Variants in TTC28 observed in about 807,000 individuals in gnomAD.
TTC28 encodes the protein tetratricopeptide repeat protein 28.
Under a neutral mutation model 198.0 loss-of-function variants are expected in TTC28, and 61 were observed. The observed-to-expected ratio is 0.31, with a 90% CI of 0.25 to 0.38. The LOEUF is 0.38. TTC28 is among the 10% of genes least tolerant of loss of function. The probability of loss-of-function intolerance (pLI) is 1.00; values close to 1 mark genes in which losing one functional copy is unlikely to be tolerated. For synonymous variants in TTC28, 1,171 were observed against 1,297.8 expected (o/e 0.90, Z 2.10); for missense variants, 2,678 against 3,164.0 (o/e 0.85, Z 3.69).
chr22:28,598,861 G>T (rs1755537984), intron 2 of TTC28, among the ~76,000 whole-genome samples: 1 of 152,154 alleles, frequency 6.6e-6, no homozygotes. Flanking sequence ...TCGCATTAAG[G>T]ATTCAAGACT....
chr22:28,560,574 ACTGT>A (rs1318828482), intron 2 of TTC28, among the ~76,000 whole-genome samples: 1 of 151,980 alleles, frequency 6.6e-6, no homozygotes, highest in Non-Finnish European at 1.5e-5. Flanking sequence ...CACCCAAGGA[ACTGT>A]CTGTTTTCTC....
At chr22:28,379,445 A>G (rs1025065015) in intron 2 of TTC28, among the ~76,000 whole-genome samples, 1 of 152,240 alleles carries the variant, frequency 6.6e-6, no homozygotes, top group Non-Finnish European at 1.5e-5. Context: ...TTCAGTTTTC[A>G]AAAGAAAGGA....
intron 2 of TTC28, among the ~76,000 whole-genome samples, chr22:28,442,574 C>T (rs2047642057): frequency 6.6e-6 from 1 of 152,264 alleles, no homozygotes; most frequent in Admixed American, 6.5e-5. Flanking sequence ...CCTAGTAGGT[C>T]TTGGCTGGCT....
chr22:28,055,166 C>T (rs1407770186), intron 12 of TTC28, among the ~76,000 whole-genome samples: 2 of 152,182 alleles, frequency 1.3e-5, no homozygotes, highest in African/African-American at 4.8e-5. Flanking sequence ...CTTTCATTCA[C>T]TCATCAAATA....
At chr22:28,017,343 C>T (rs1472338128) in intron 13 of TTC28, among the ~76,000 whole-genome samples, 1 of 152,250 alleles carries the variant, frequency 6.6e-6, no homozygotes, top group East Asian at 1.9e-4. Flanking sequence ...GTGCCAGGCA[C>T]CATGGGTGCC....
rs766690227 is a variant in TTC28 at position 28,406,323 on chromosome 22, C to T, written c.382-99680G>A. 9.2e-5 allele frequency among the ~76,000 whole-genome samples: 14 copies of T among 152,312 alleles called. No individual in the cohort carries two copies. In the South Asian group the frequency reaches 1.9e-3, roughly 20 times the overall value. ...CTAGAACACACACTTATCTTATTAA[C>T]GAGACTAGAATTATTTTAATTAGGT... On this transcript the variant is annotated intron_variant, in intron 2 of 22. Transcript: ENST00000397906.
At chr22:27,985,015 C>T (rs1937162462) in intron 22 of TTC28, among the ~76,000 whole-genome samples, 1 of 152,234 alleles carries the variant, frequency 6.6e-6, no homozygotes, top group Admixed American at 6.5e-5. Flanking sequence ...CCTCTCACTT[C>T]CAGTCCCTTG....
intron 5 of TTC28, among the ~76,000 whole-genome samples, chr22:28,236,350 T>C (rs1300912445): frequency 6.6e-6 from 1 of 152,208 alleles, no homozygotes; most frequent in Admixed American, 6.5e-5. Context: ...GTAACATGTA[T>C]AGTGAATTTG....
intron 3 of TTC28, among the ~76,000 whole-genome samples, chr22:28,300,393 A>G (rs939056422): frequency 2.0e-5 from 3 of 152,212 alleles, no homozygotes; most frequent in African/African-American, 7.2e-5. Context: ...AGCCTCTAAA[A>G]TTCTACAACA....
chr22:27,993,282 C>T lies in TTC28; in HGVS notation c.5476+5G>A, dbSNP rs552253078. 1.1e-5 allele frequency: 16 copies of T among 1,520,718 alleles called. No homozygotes were observed. Among genetic ancestry groups the T allele is most frequent in the Admixed American group, 2.0e-5 (1 of 49,278 alleles). The allele number at this position is 1,520,718 out of a possible 1,614,324, so 94.2% of individuals were successfully genotyped here. On this transcript the variant is annotated splice_donor_5th_base_variant and intron_variant, in intron 18 of 22. Coordinates refer to ENST00000397906, the MANE Select transcript of TTC28 (RefSeq NM_001145418.2). ...TGTTGCCCCAGCCCTACACCCACAG[C>T]TCACCCAGCAGGGACTGGAGTGTGC...
At chr22:28,057,173 ATCC>A (rs1428438863) in intron 12 of TTC28, among the ~76,000 whole-genome samples, 1 of 152,188 alleles carries the variant, frequency 6.6e-6, no homozygotes. Flanking sequence ...GAAATTGATG[ATCC>A]ATAGAGTAGG....
intron 2 of TTC28, among the ~76,000 whole-genome samples, chr22:28,592,359 T>A (rs566506136): frequency 4.4e-4 from 67 of 151,812 alleles, no homozygotes; most frequent in African/African-American, 1.5e-3. Flanking sequence ...TTCTAAAAAA[T>A]TTAAAATTAG....
chr22:28,037,455 C>A (rs1461111730), intron 12 of TTC28, among the ~76,000 whole-genome samples: 1 of 152,082 alleles, frequency 6.6e-6, no homozygotes, highest in Non-Finnish European at 1.5e-5. Context: ...AGGCCTTTGG[C>A]AAAATTCAAC....
chr22:28,330,599 G>A (rs913871557), intron 2 of TTC28, among the ~76,000 whole-genome samples: 1 of 152,092 alleles, frequency 6.6e-6, no homozygotes, highest in Non-Finnish European at 1.5e-5. Flanking sequence ...AGTATTATTT[G>A]TTGACAAGTT....
chr22:28,276,900 T>A (rs984459262), intron 5 of TTC28, among the ~76,000 whole-genome samples: 4 of 152,286 alleles, frequency 2.6e-5, no homozygotes, highest in Non-Finnish European at 5.9e-5. Context: ...TTAAAATACT[T>A]AATAAAATAC....
intron 5 of TTC28, among the ~76,000 whole-genome samples, chr22:28,199,386 TATATATATATA>T (rs1925689468): frequency 4.7e-4 from 2 of 4,238 alleles, no homozygotes; most frequent in South Asian, 0.011. Context: ...TTAAAAATTA[TATATATATATA>T]TATATATATA....
At chr22:28,169,931 G>A (rs1922482469) in intron 5 of TTC28, among the ~76,000 whole-genome samples, 1 of 152,048 alleles carries the variant, frequency 6.6e-6, no homozygotes, top group African/African-American at 2.4e-5. Context: ...CAGGTTGCTT[G>A]TAATTATCCA....
At chr22:28,593,118 T>C (rs1196345771) in intron 2 of TTC28, among the ~76,000 whole-genome samples, 2 of 152,196 alleles carry the variant, frequency 1.3e-5, no homozygotes, top group Admixed American at 6.5e-5. Context: ...CACCTAAATA[T>C]AGCCCTAAAT....
At chr22:28,345,990 T>TGG (rs1445362108) in intron 2 of TTC28, among the ~76,000 whole-genome samples, 2 of 152,182 alleles carry the variant, frequency 1.3e-5, no homozygotes, top group African/African-American at 4.8e-5. Context: ...GAGTAGAAGT[T>TGG]GGTGGAGATG....
Sources: gnomAD v4.1 joint callset for allele counts (sites outside exome capture counted in the v4.1 genomes callset) on GRCh38, gnomAD v4.1.1 for gene constraint, MANE v1.5 for transcripts, NCBI Gene and HGNC (gene_info 2026-07-23, HGNC 2026-07-21) for gene names.